Variants in CSMD3 observed in about 807,000 individuals in gnomAD.
CSMD3 encodes CUB and Sushi multiple domains 3.
A neutral mutation model predicts 435.2 loss-of-function variants in CSMD3; 177 were observed. That is an observed-to-expected ratio of 0.41 (90% CI 0.36 to 0.46). The LOEUF is 0.46. Among genes scored for constraint, CSMD3 ranks in the 20% least tolerant of loss-of-function variants. CSMD3 has a pLI of 0.34. For synonymous variants in CSMD3, 1,656 were observed against 1,520.5 expected (o/e 1.09, Z -2.07); for missense variants, 4,265 against 4,504.6 (o/e 0.95, Z 1.52).
rs371119885 is a variant in CSMD3, at chr8:113,039,228, T to C, written c.918-20049A>G. ...TTGTATTTGCATTTTTTCCTACCAG[T>C]TTGAATTAAAGATAAAATATGTTTA... On this transcript the variant is annotated intron_variant, in intron 5 of 70. Coordinates refer to ENST00000297405, the MANE Select transcript of CSMD3 (RefSeq NM_198123.2). 2.3e-4 allele frequency among the ~76,000 whole-genome samples: 35 copies of C among 152,214 alleles called. 1 individual carries two copies. The South Asian group carries it at 7.1e-3, about 31-fold the overall frequency.
chr8:112,963,236 G>A (rs7007990), intron 7 of CSMD3, among the ~76,000 whole-genome samples: 4 of 151,772 alleles, frequency 2.6e-5, no homozygotes, highest in African/African-American at 7.2e-5. Context: ...TCCCAACAAC[G>A]TGGGAATCGT....
At chr8:112,387,527 A>G (rs1276080981) in intron 36 of CSMD3, among the ~76,000 whole-genome samples, 1 of 149,620 alleles carries the variant, frequency 6.7e-6, no homozygotes, top group Non-Finnish European at 1.5e-5. Flanking sequence ...TGACTCAGTG[A>G]TATGTCTAAA....
chr8:112,810,853 T>G (rs903554339), intron 12 of CSMD3, among the ~76,000 whole-genome samples: 1 of 152,078 alleles, frequency 6.6e-6, no homozygotes, highest in African/African-American at 2.4e-5. Context: ...AGTTACACCT[T>G]AGGCTTGGTT....
At chr8:113,415,121 T>C (rs1468767860) in intron 1 of CSMD3, among the ~76,000 whole-genome samples, 1 of 152,166 alleles carries the variant, frequency 6.6e-6, no homozygotes, top group Non-Finnish European at 1.5e-5. Flanking sequence ...TGAAGGCAAT[T>C]GTAATTTGCT....
chr8:112,990,930 T>G (rs1010708056), intron 6 of CSMD3, among the ~76,000 whole-genome samples: 1 of 151,958 alleles, frequency 6.6e-6, no homozygotes, highest in Admixed American at 6.6e-5. Flanking sequence ...TTTCTGTGGA[T>G]AGAAAACATT....
intron 2 of CSMD3, among the ~76,000 whole-genome samples, chr8:113,286,957 G>C (rs2093651150): frequency 6.6e-6 from 1 of 151,638 alleles, no homozygotes; most frequent in South Asian, 2.1e-4. Flanking sequence ...GAAAGAAATA[G>C]GAAGAGGAGA....
intron 2 of CSMD3, among the ~76,000 whole-genome samples, chr8:113,308,624 A>G (rs2093842369): frequency 6.6e-6 from 1 of 152,180 alleles, no homozygotes; most frequent in Non-Finnish European, 1.5e-5. Context: ...ATAATTTGGT[A>G]TATTGTTCAA....
intron 38 of CSMD3, among the ~76,000 whole-genome samples, chr8:112,374,896 T>G (rs1255132033): frequency 6.6e-6 from 1 of 152,176 alleles, no homozygotes; most frequent in Admixed American, 6.5e-5. Flanking sequence ...TAACGACTCT[T>G]AAGAAGTGTC....
chr8:112,776,645 G>C (rs1338493182), intron 13 of CSMD3, among the ~76,000 whole-genome samples: 2 of 151,752 alleles, frequency 1.3e-5, no homozygotes, highest in African/African-American at 4.8e-5. Context: ...TGAGCAGCAA[G>C]TTTGAGGTAG....
intron 6 of CSMD3, among the ~76,000 whole-genome samples, chr8:113,004,826 A>C: frequency 6.6e-6 from 1 of 151,900 alleles, no homozygotes; most frequent in East Asian, 1.9e-4. Flanking sequence ...ATGTTTAGTA[A>C]ATTTTATTAA....
chr8:112,751,296 A>T (rs2077564499), intron 13 of CSMD3, among the ~76,000 whole-genome samples: 1 of 152,098 alleles, frequency 6.6e-6, no homozygotes, highest in African/African-American at 2.4e-5. Context: ...GACATCCTAC[A>T]ACCTAAAGAA....
intron 10 of CSMD3, among the ~76,000 whole-genome samples, chr8:112,872,544 T>TA (rs998604050): frequency 1.3e-5 from 2 of 151,820 alleles, no homozygotes; most frequent in Admixed American, 6.6e-5. Context: ...TTTTTCAAGG[T>TA]AAAAAAAAGT....
intron 38 of CSMD3, among the ~76,000 whole-genome samples, chr8:112,369,460 A>G (rs1226700410): frequency 6.6e-6 from 1 of 152,162 alleles, no homozygotes. Flanking sequence ...GAAGTCAGGT[A>G]TTTGGTGACC....
chr8:113,228,975 C>T (rs538130776), intron 3 of CSMD3, among the ~76,000 whole-genome samples: 1 of 151,720 alleles, frequency 6.6e-6, no homozygotes, highest in South Asian at 2.1e-4. Flanking sequence ...GTACATAATT[C>T]ACCACGTTCA....
intron 13 of CSMD3, among the ~76,000 whole-genome samples, chr8:112,733,879 A>G (rs1481115002): frequency 6.6e-6 from 1 of 152,018 alleles, no homozygotes; most frequent in Non-Finnish European, 1.5e-5. Context: ...ACATAATAAT[A>G]ATAATACCTC....
rs145796535 is a variant in CSMD3, at chr8:112,944,034, T to A, written c.1508+3756A>T. ...ATAAAACCAAGCAGATTCATTATCA[T>A]CAATCTCAAAAGGGCACTCAAATTT... On this transcript the variant is annotated intron_variant, in intron 9 of 70. Coordinates refer to ENST00000297405, the MANE Select transcript of CSMD3 (RefSeq NM_198123.2). 8.5e-4 allele frequency among the ~76,000 whole-genome samples: 129 copies of A among 151,844 alleles called. 3 individuals are homozygous for A. The East Asian group carries it at 9.3e-3, about 11-fold the overall frequency.
intron 12 of CSMD3, among the ~76,000 whole-genome samples, chr8:112,813,476 G>A (rs967364027): frequency 6.6e-6 from 1 of 152,132 alleles, no homozygotes; most frequent in Admixed American, 6.6e-5. Flanking sequence ...TTCAAATTGG[G>A]AGGATAGATA....
In CSMD3 at chr8:113,408,233, A is replaced by T. The variant is rs576080839; in HGVS notation, c.178+28444T>A. 2.6e-5 allele frequency among the ~76,000 whole-genome samples: 4 copies of T among 152,286 alleles called. No individual in the cohort carries two copies. The East Asian group carries it at 7.7e-4, about 29-fold the overall frequency. On this transcript the variant is annotated intron_variant, in intron 1 of 70. Coordinates refer to ENST00000297405, the MANE Select transcript of CSMD3 (RefSeq NM_198123.2). ...ACATAGGAATCAAAATCATTAAGTG[A>T]TGAAGTTGCTCTATGAGTCCATGTT...
At chr8:112,462,803 C>T (rs1373403949) in intron 32 of CSMD3, among the ~76,000 whole-genome samples, 3 of 152,130 alleles carry the variant, frequency 2.0e-5, no homozygotes, top group Non-Finnish European at 4.4e-5. Context: ...CATATCTGGG[C>T]AAGCTGATTA....
Sources: gnomAD v4.1 joint callset for allele counts (sites outside exome capture counted in the v4.1 genomes callset) on GRCh38, gnomAD v4.1.1 for gene constraint, MANE v1.5 for transcripts, NCBI Gene and HGNC (gene_info 2026-07-23, HGNC 2026-07-21) for gene names.